Variants in NDST3 observed in about 807,000 individuals in gnomAD.
The protein encoded by NDST3 is bifunctional heparan sulfate N-deacetylase/N-sulfotransferase 3.
Under a neutral mutation model 96.1 loss-of-function variants are expected in NDST3, and 58 were observed. That is an observed-to-expected ratio of 0.60 (90% CI 0.49 to 0.75). NDST3 has a LOEUF of 0.75. NDST3 is among the 30% of genes least tolerant of loss of function. NDST3 has a pLI of 0.00. For missense variants in NDST3, 788 were observed against 1,034.2 expected (o/e 0.76, Z 3.27); for synonymous variants, 333 against 359.7 (o/e 0.93, Z 0.84).
At chr4:118,038,618 T>A (rs1333410043) in intron 1 of NDST3, among the ~76,000 whole-genome samples, 1 of 152,242 alleles carries the variant, frequency 6.6e-6, no homozygotes, top group Non-Finnish European at 1.5e-5. Flanking sequence ...CTTGCCCTTG[T>A]CAATTTTTAT....
chr4:118,234,564 T>G (rs1236262113), intron 9 of NDST3, among the ~76,000 whole-genome samples: 3 of 152,112 alleles, frequency 2.0e-5, no homozygotes, highest in African/African-American at 4.8e-5. Flanking sequence ...TGGACAGGAA[T>G]GTATTAGTAT....
At chr4:118,254,653 T>A (rs1367514461) in intron 13 of NDST3, among the ~76,000 whole-genome samples, 1 of 152,236 alleles carries the variant, frequency 6.6e-6, no homozygotes, top group East Asian at 1.9e-4. Context: ...AAGTAGATTT[T>A]GATTTGTAAA....
At chr4:118,209,336 C>A (rs547833791) in intron 6 of NDST3, among the ~76,000 whole-genome samples, 2 of 152,106 alleles carry the variant, frequency 1.3e-5, no homozygotes, top group Admixed American at 6.6e-5. Flanking sequence ...GGAAGAAGAA[C>A]AGCTGTTGTC....
At chr4:118,237,328 A>G (rs905037195) in intron 10 of NDST3, 108 bp downstream of exon 10, 6 of 908,244 alleles carry the variant, frequency 6.6e-6, no homozygotes, top group Non-Finnish European at 9.0e-6. Flanking sequence ...GAGATTTGCT[A>G]GTTGTTTGAT....
intron 2 of NDST3, among the ~76,000 whole-genome samples, chr4:118,063,096 A>G (rs1240114784): frequency 6.6e-6 from 1 of 151,820 alleles, no homozygotes; most frequent in East Asian, 1.9e-4. Flanking sequence ...AGGCTGAGGC[A>G]GGAAAATAGC....
chr4:118,217,387 C>A lies in NDST3; in HGVS notation c.1540-7104C>A, dbSNP rs868404442. ...TGAGGCACTTATGAGAGGGCCCGAG[C>A]CAGGGAATTATAGTATAGGAAGTTC... On this transcript the variant is annotated intron_variant, in intron 6 of 13. Coordinates refer to ENST00000296499, the MANE Select transcript of NDST3 (RefSeq NM_004784.3). 2.4e-4 allele frequency among the ~76,000 whole-genome samples: 36 copies of A among 152,114 alleles called. No homozygotes were observed. In the Middle Eastern group the frequency reaches 0.014, roughly 57 times the overall value.
In NDST3 at chr4:118,244,724, A is replaced by G. The variant is rs1242344716; in HGVS notation, c.2399+2575A>G. On this transcript the variant is annotated intron_variant, in intron 12 of 13. Coordinates refer to ENST00000296499, the MANE Select transcript of NDST3 (RefSeq NM_004784.3). ...AATTTCAGCATCAAAACTATTTTCA[A>G]GAAGAATCACAATAAGCCCCCAATG... Among the ~76,000 whole-genome samples the G allele has an allele frequency of 3.3e-5, 5 of 152,164 alleles. No homozygotes were observed. The East Asian group carries it at 9.6e-4, about 29-fold the overall frequency.
At chr4:118,175,763 G>T (rs1736240108) in intron 6 of NDST3, among the ~76,000 whole-genome samples, 1 of 152,106 alleles carries the variant, frequency 6.6e-6, no homozygotes. Context: ...TTCTCTCTCA[G>T]CCTGGACCTG....
At chr4:118,107,513 T>C (rs1202836954) in intron 3 of NDST3, among the ~76,000 whole-genome samples, 1 of 152,108 alleles carries the variant, frequency 6.6e-6, no homozygotes, top group Admixed American at 6.5e-5. Context: ...GAAAAATCAG[T>C]GTACAGTACA....
intron 2 of NDST3, among the ~76,000 whole-genome samples, chr4:118,068,058 G>T (rs1383408054): frequency 6.6e-6 from 1 of 150,500 alleles, no homozygotes; most frequent in Non-Finnish European, 1.5e-5. Context: ...ACTTCAGATT[G>T]TTTCTCTATT....
intron 2 of NDST3, among the ~76,000 whole-genome samples, chr4:118,056,628 G>GTGTA (rs1725454499): frequency 1.3e-5 from 2 of 151,854 alleles, no homozygotes; most frequent in Admixed American, 6.6e-5. Flanking sequence ...GTTATTAAGC[G>GTGTA]TGTACTACAT....
intron 8 of NDST3, among the ~76,000 whole-genome samples, chr4:118,229,126 A>G (rs1578845786): frequency 6.6e-6 from 1 of 151,704 alleles, no homozygotes; most frequent in South Asian, 2.1e-4. Flanking sequence ...TATGGTGAAA[A>G]CCCGTCACTA....
chr4:118,083,049 C>T (rs933268705), intron 2 of NDST3, among the ~76,000 whole-genome samples: 1 of 152,154 alleles, frequency 6.6e-6, no homozygotes, highest in Non-Finnish European at 1.5e-5. Context: ...CCACCAGGAC[C>T]TTCCTCCAAC....
intron 2 of NDST3, among the ~76,000 whole-genome samples, chr4:118,060,635 C>G (rs776931025): frequency 6.6e-6 from 1 of 152,002 alleles, no homozygotes; most frequent in African/African-American, 2.4e-5. Flanking sequence ...TTCTTCTCTT[C>G]TTTCTCTCTC....
chr4:118,169,026 T>A (rs2125934658), intron 6 of NDST3, among the ~76,000 whole-genome samples: 1 of 152,242 alleles, frequency 6.6e-6, no homozygotes, highest in Non-Finnish European at 1.5e-5. Flanking sequence ...CCTCTAGAGA[T>A]CCAGTGTACA....
chr4:118,082,041 A>T (rs1257826563), intron 2 of NDST3, among the ~76,000 whole-genome samples: 2 of 152,188 alleles, frequency 1.3e-5, no homozygotes, highest in Non-Finnish European at 2.9e-5. Context: ...CCATGATTTC[A>T]AGCAGTATGT....
intron 6 of NDST3, among the ~76,000 whole-genome samples, chr4:118,169,963 A>AC (rs1402181038): frequency 6.6e-6 from 1 of 152,032 alleles, no homozygotes; most frequent in Non-Finnish European, 1.5e-5. Flanking sequence ...TGTGATCTTT[A>AC]CCGGGGGGCT....
intron 6 of NDST3, among the ~76,000 whole-genome samples, chr4:118,172,912 A>G (rs1378261369): frequency 6.6e-6 from 1 of 152,172 alleles, no homozygotes; most frequent in African/African-American, 2.4e-5. Context: ...CTAAAAGTCC[A>G]TAGTGTGAGA....
At chr4:118,110,187 A>G (rs1730525502) in intron 3 of NDST3, among the ~76,000 whole-genome samples, 1 of 152,206 alleles carries the variant, frequency 6.6e-6, no homozygotes, top group Non-Finnish European at 1.5e-5. Flanking sequence ...TGTTTCCCCA[A>G]ATCACTGAGA....
Sources: allele counts gnomAD v4.1 joint callset (sites outside exome capture counted in the v4.1 genomes callset), GRCh38; gene constraint gnomAD v4.1.1; transcripts MANE v1.5; gene names NCBI Gene and HGNC (gene_info 2026-07-23, HGNC 2026-07-21).